The following ALPK2 variants were observed in gnomAD, a reference collection of about 807,000 sequenced individuals.
The protein encoded by ALPK2 is alpha kinase 2, also known as alpha-protein kinase 2.
ALPK2 carries 127 observed loss-of-function variants against 163.1 expected under a neutral mutation model. That is an observed-to-expected ratio of 0.78 (90% CI 0.67 to 0.90). ALPK2 has a LOEUF of 0.90. ALPK2 is among the 40% of genes least tolerant of loss of function. The probability of loss-of-function intolerance (pLI) is 0.00; values close to 1 mark genes in which losing one functional copy is unlikely to be tolerated. For synonymous variants in ALPK2, 953 were observed against 959.1 expected, an observed-to-expected ratio of 0.99 and a Z score of 0.12; for missense variants, 2,360 against 2,589.6, an observed-to-expected ratio of 0.91 and a Z score of 1.92.
intron 4 of ALPK2, among the ~76,000 whole-genome samples, chr18:58,557,694 A>G (rs1035540532): frequency 2.9e-4 from 30 of 105,098 alleles, no homozygotes; most frequent in Non-Finnish European, 5.1e-4. Context: ...GTGTGTATAT[A>G]TATATATTTA....
intron 9 of ALPK2, 94 bp downstream of exon 9, chr18:58,516,814 G>A: frequency 7.1e-7 from 1 of 1,399,294 alleles, no homozygotes; most frequent in South Asian, 1.3e-5. Flanking sequence ...CCCTTTTGAA[G>A]ATATTCCCAT....
At chr18:58,497,737 AT>A (rs1268301346) in intron 12 of ALPK2, among the ~76,000 whole-genome samples, 1 of 152,210 alleles carries the variant, frequency 6.6e-6, no homozygotes, top group Non-Finnish European at 1.5e-5. Flanking sequence ...AGAACGGAAT[AT>A]TCCCAGTTAA....
chr18:58,573,266 A>ATATATG (rs1197357765), intron 4 of ALPK2, among the ~76,000 whole-genome samples: 1 of 33,396 alleles, frequency 3.0e-5, no homozygotes, highest in African/African-American at 8.5e-5. Context: ...ATATATGTGT[A>ATATATG]TATATATGTA....
In ALPK2 at chr18:58,503,993, C is replaced by T. The variant is rs200818664; in HGVS notation, c.6185G>A (p.Cys2062Tyr). Residue 2062 changes from cysteine (C) to tyrosine (Y), a missense_variant, in exon 11 of 13, where the codon TGC (cysteine) becomes TAC (tyrosine). Physicochemically the swap from Cys to Tyr is radical, Grantham distance 194 (BLOSUM62 -2). Transcript: ENST00000361673. ...RRESEAGQKC[C>Y]TFQHWVYQKT... is the part of the protein sequence containing the mutation. ...CTGGTACACCCAGTGCTGGAAGGTG[C>T]AACATTTCTGACCAGCTTCTGATTC... The T allele has an allele frequency of 1.9e-6, 3 of 1,614,204 alleles. No individual in the cohort carries two copies. The highest frequency in any genetic ancestry group is 2.7e-5 in the African/African-American group (2 of 75,044).
chr18:58,492,138 T>C (rs1282869317), intron 12 of ALPK2, among the ~76,000 whole-genome samples: 4 of 132,564 alleles, frequency 3.0e-5, no homozygotes, highest in African/African-American at 8.4e-5. Context: ...ACAGGCAAGG[T>C]CTCTTTAGAC....
Position 58,579,225 on chromosome 18 carries a change from G to T in ALPK2, c.1551C>A (p.Asp517Glu). ...GMSQCWETAA[D>E]KRVGGKDLWS... ...ATAAGTCCTTTCCCCCCACTCTCTTGTCAGCTGCCGTCTCCCAACACTGGC... is the reference window on the plus strand; with the variant it reads ...ATAAGTCCTTTCCCCCCACTCTCTTTTCAGCTGCCGTCTCCCAACACTGGC... The change falls in exon 4 of 13, where the codon GAC becomes GAA. Residue 517 changes from aspartate to glutamate, a missense_variant. Asp to Glu is a conservative substitution (Grantham distance 45). Transcript: ENST00000361673. The T allele has an allele frequency of 1.2e-6, 2 of 1,613,964 alleles. No individual in the cohort carries two copies. The highest frequency in any genetic ancestry group is 1.7e-6 in the Non-Finnish European group (2 of 1,179,988).
chr18:58,487,942 C>A (rs2051348762), intron 12 of ALPK2, among the ~76,000 whole-genome samples: 1 of 152,110 alleles, frequency 6.6e-6, no homozygotes, highest in African/African-American at 2.4e-5. Context: ...TGAGAGTGGT[C>A]CCTGCGAATG....
Position 58,535,043 on chromosome 18 carries a change from G to A in ALPK2, c.5144C>T (p.Pro1715Leu). Residue 1715 changes from proline to leucine, a missense_variant, in exon 5 of 13, where the codon CCA becomes CTA. Pro to Leu is a moderately conservative substitution (Grantham distance 98). Coordinates refer to ENST00000361673, the MANE Select transcript of ALPK2 (RefSeq NM_052947.4). Reference sequence around the variant, plus strand: ...TAAATGTCCACTGCCTGGGGCTTCTGGCTTCCTCTTGACCTCCTCTGACCC... The same window carrying A: ...TAAATGTCCACTGCCTGGGGCTTCTAGCTTCCTCTTGACCTCCTCTGACCC... ...VTGSEEVKRK[P>L]EAPGSGHLAE... is the part of the protein sequence containing the mutation. 3 of 1,614,098 alleles carry A rather than the reference G, an allele frequency of 1.9e-6. No individual in the cohort carries two copies. Among genetic ancestry groups the A allele is most frequent in the Non-Finnish European group, 2.5e-6 (3 of 1,180,026 alleles).
intron 9 of ALPK2, among the ~76,000 whole-genome samples, chr18:58,515,982 G>C (rs2051519269): frequency 6.6e-6 from 1 of 152,136 alleles, no homozygotes; most frequent in African/African-American, 2.4e-5. Context: ...GGGAGGCAGA[G>C]GCAGGAGGAT....
intron 9 of ALPK2, 60 bp from the exon 10 acceptor site, chr18:58,515,141 C>A: frequency 7.8e-7 from 1 of 1,276,698 alleles, no homozygotes; most frequent in Non-Finnish European, 1.1e-6. Context: ...ACAGTATTGC[C>A]CAGTAAGACT....
intron 2 of ALPK2, among the ~76,000 whole-genome samples, chr18:58,611,343 G>C (rs1602239769): frequency 6.6e-6 from 1 of 151,336 alleles, no homozygotes; most frequent in Non-Finnish European, 1.5e-5. Context: ...GAAAAAAAGT[G>C]ATTCATGCCA....
chr18:58,618,949 G>C (rs1447576067), intron 1 of ALPK2, among the ~76,000 whole-genome samples: 2 of 152,220 alleles, frequency 1.3e-5, no homozygotes, highest in Admixed American at 1.3e-4. Flanking sequence ...AGGAAAGCCA[G>C]CAGTCAGGGC....
chr18:58,569,532 A>C (rs1006480740), intron 4 of ALPK2, among the ~76,000 whole-genome samples: 2 of 152,160 alleles, frequency 1.3e-5, no homozygotes, highest in African/African-American at 4.8e-5. Context: ...ATTCAGTAGG[A>C]CTGGAACAGG....
Position 58,579,949 on chromosome 18 carries a change from A to G in ALPK2, c.827T>C (p.Leu276Pro), listed in dbSNP as rs1298143431. Reference sequence around the variant, plus strand: ...GTAAATGTGTGCAGTTGCCTCAGATAGCGGGAGGCTGAAGCTAATGTATTT... The same window carrying G: ...GTAAATGTGTGCAGTTGCCTCAGATGGCGGGAGGCTGAAGCTAATGTATTT... ...VQKYISFSLP[L>P]SEATAHIYPG... The change falls in exon 4 of 13, where the codon CTA becomes CCA. Residue 276 changes from leucine (L) to proline (P), a missense_variant. By Grantham distance (98) the Leu-to-Pro change is moderately conservative. Coordinates refer to ENST00000361673, the MANE Select transcript of ALPK2 (RefSeq NM_052947.4). The G allele has an allele frequency of 6.2e-7, 1 of 1,614,186 alleles. No individual in the cohort carries two copies. The highest frequency in any genetic ancestry group is 8.5e-7 in the Non-Finnish European group (1 of 1,180,014).
In ALPK2 at chr18:58,498,268, G is replaced by A. The variant is rs1449855378; in HGVS notation, c.6248-171C>T. Among the ~76,000 whole-genome samples the A allele has an allele frequency of 4.6e-5, 7 of 152,186 alleles. No homozygotes were observed. In the East Asian group the frequency reaches 1.3e-3, roughly 29 times the overall value. ...ATCCAGCTTTAGGCAGGGACCATGG[G>A]GAAGGTGGCAGTTAGGGGGAATCAA... On this transcript the variant is annotated intron_variant, in intron 11 of 12. Transcript: ENST00000361673.
In ALPK2 at chr18:58,536,848, A is replaced by G. The variant is rs756011303; in HGVS notation, c.3339T>C (p.Thr1113=). Reference sequence around the variant, plus strand: ...AGCTCCTAAAGTCTGCTCTGTCCACAGTCTGGCTCTTATCTCCAGACAGGT... The same window carrying G: ...AGCTCCTAAAGTCTGCTCTGTCCACGGTCTGGCTCTTATCTCCAGACAGGT... ...VDNLSGDKSQ[T]VDRADFRSYE... The change falls in exon 5 of 13, where the codon ACT becomes ACC. Residue 1113 remains threonine (T), a synonymous_variant. Transcript: ENST00000361673. 1 of 1,614,162 alleles carries G rather than the reference A, an allele frequency of 6.2e-7. No individual in the cohort carries two copies. The highest frequency in any genetic ancestry group is 8.5e-7 in the Non-Finnish European group (1 of 1,180,026).
intron 4 of ALPK2, among the ~76,000 whole-genome samples, chr18:58,540,189 G>A (rs747932381): frequency 1.8e-4 from 28 of 152,332 alleles, no homozygotes; most frequent in Admixed American, 4.6e-4. Flanking sequence ...TGTTTGTTGA[G>A]AGAATGAATA....
At chr18:58,587,318 G>C (rs191921553) in intron 3 of ALPK2, among the ~76,000 whole-genome samples, 1 of 152,302 alleles carries the variant, frequency 6.6e-6, no homozygotes, top group East Asian at 1.9e-4. Context: ...CTCATTTCCA[G>C]AGTTGCCACG....
intron 12 of ALPK2, among the ~76,000 whole-genome samples, chr18:58,493,838 A>G (rs537961586): frequency 6.6e-6 from 1 of 152,326 alleles, no homozygotes; most frequent in African/African-American, 2.4e-5. Flanking sequence ...ACGGCTGTCC[A>G]TATTAATCTT....
Sources: gnomAD v4.1 joint callset for allele counts (sites outside exome capture counted in the v4.1 genomes callset) on GRCh38, gnomAD v4.1.1 for gene constraint, MANE v1.5 for transcripts, NCBI Gene and HGNC (gene_info 2026-07-23, HGNC 2026-07-21) for gene names.